Variants in EML2 observed in about 807,000 individuals in gnomAD.
The protein encoded by EML2 is echinoderm microtubule-associated protein-like 2.
EML2 carries 59 observed loss-of-function variants against 84.7 expected under a neutral mutation model. The ratio of observed to expected loss-of-function variants is 0.70; its 90% CI spans 0.56 to 0.86. The LOEUF is 0.86. Ranked by LOEUF, EML2 falls within the 40% of genes least tolerant of loss-of-function variation. EML2 has a pLI of 0.00. For synonymous variants in EML2, 352 were observed against 348.9 expected, an observed-to-expected ratio of 1.01 and a Z score of -0.10; for missense variants, 818 against 855.6, an observed-to-expected ratio of 0.96 and a Z score of 0.55.
chr19:45,642,001 A>T (rs1235219266), upstream of EML2: 2 of 1,446,180 alleles, frequency 1.4e-6, no homozygotes, highest in South Asian at 2.9e-5. Context: ...CCGAGCCATT[A>T]AGGGGCGTCC....
At chr19:45,641,786 G>C (rs1974536236), upstream of EML2, 3 of 1,532,418 alleles carry the variant, frequency 2.0e-6, no homozygotes, top group Non-Finnish European at 2.6e-6. Flanking sequence ...GAGCCTTCTA[G>C]GCCAGCAGGC....
chr19:45,636,234 A>G (rs143360947), intron 3 of EML2, among the ~76,000 whole-genome samples: 1,777 of 152,260 alleles, frequency 0.012, 27 homozygotes, highest in African/African-American at 0.039. Flanking sequence ...TTGGCCTCCT[A>G]AAGTGCTGGG....
chr19:45,613,652 C>G lies in EML2; in HGVS notation c.1713G>C (p.Ala571=). ...CCACAGCGTTGATATCAGTGCCGTC[C>G]GCCCCCTCAGACCAGATCCCTGTGG... ...FGVFGIWSEG[A]DGTDINAVAR... Residue 571 remains alanine (A), a synonymous_variant, in exon 18 of 19, where the codon GCG becomes GCC. Transcript: ENST00000245925. 1.2e-6 allele frequency: 2 copies of G among 1,614,006 alleles called. No individual in the cohort carries two copies. Among genetic ancestry groups the G allele is most frequent in the African/African-American group, 2.7e-5 (2 of 75,004 alleles).
upstream of EML2, chr19:45,645,417 G>T (rs1201915771): frequency 8.8e-6 from 13 of 1,472,446 alleles, no homozygotes; most frequent in Non-Finnish European, 1.1e-5. Context: ...GCCTCCCGTT[G>T]CCATAGCAAC....
In EML2 at chr19:45,629,934, G is replaced by A; in HGVS notation, c.606+17C>T. 1.9e-6 allele frequency: 3 copies of A among 1,604,110 alleles called. No individual in the cohort carries two copies. The highest frequency in any genetic ancestry group is 2.6e-6 in the Non-Finnish European group (3 of 1,171,168). ...ACAGTGGCACCCAGCAGGAGGGGATGAGAAAAGTCACCTCACCTTGACATC... is the reference window on the plus strand; with the variant it reads ...ACAGTGGCACCCAGCAGGAGGGGATAAGAAAAGTCACCTCACCTTGACATC... On this transcript the variant is annotated intron_variant, in intron 7 of 18. Coordinates refer to ENST00000245925, the MANE Select transcript of EML2 (RefSeq NM_012155.4).
At chr19:45,616,439 C>G (rs1410909133) in intron 15 of EML2, 22 bp downstream of exon 15, 1 of 1,559,072 alleles carries the variant, frequency 6.4e-7, no homozygotes, top group Non-Finnish European at 8.7e-7. Flanking sequence ...GCGGCGCGGG[C>G]TGGGGGCCAC....
intron 14 of EML2, 66 bp from the exon 15 acceptor site, chr19:45,616,624 G>GC: frequency 1.4e-6 from 2 of 1,443,868 alleles, no homozygotes; most frequent in Non-Finnish European, 1.9e-6. Flanking sequence ...CCCAGACTCA[G>GC]CCCCCTCAAC....
At chr19:45,643,480 C>T, upstream of EML2, 1 of 1,473,274 alleles carries the variant, frequency 6.8e-7, no homozygotes, top group Non-Finnish European at 9.2e-7. Context: ...GCCAAAATGA[C>T]TCCCCGAGTC....
At chr19:45,641,506 G>C, upstream of EML2, 1 of 856,144 alleles carries the variant, frequency 1.2e-6, no homozygotes. Flanking sequence ...TCCCTCCAAG[G>C]CTCTGGCACC....
upstream of EML2, among the ~76,000 whole-genome samples, chr19:45,643,899 G>T (rs923671787): frequency 3.3e-5 from 5 of 152,204 alleles, no homozygotes; most frequent in African/African-American, 1.2e-4. Flanking sequence ...TCGTAACAGG[G>T]GGAAACCTCT....
At chr19:45,625,415 A>G (rs945747958) in intron 8 of EML2, among the ~76,000 whole-genome samples, 6 of 151,762 alleles carry the variant, frequency 4.0e-5, no homozygotes, top group African/African-American at 1.5e-4. Context: ...TAATTTTCAT[A>G]TTTTTTTAGT....
chr19:45,609,543 T>G lies in EML2; in HGVS notation c.*120A>C. On this transcript the variant is annotated 3_prime_UTR_variant, in exon 19 of 19. Transcript: ENST00000245925. Reference sequence around the variant, plus strand: ...GAGACTTCTGTATGTCAGTCTACCCTCCCGCCCCCATAACCCCCTCTGCTA... The same window carrying G: ...GAGACTTCTGTATGTCAGTCTACCCGCCCGCCCCCATAACCCCCTCTGCTA... 137 of 643,652 alleles carry G rather than the reference T, an allele frequency of 2.1e-4. No individual in the cohort carries two copies. Among genetic ancestry groups the G allele is most frequent in the East Asian group, 2.8e-4 (6 of 21,330 alleles). The allele number at this position is 643,652 out of a possible 1,614,324, so 39.9% of individuals were successfully genotyped here.
chr19:45,616,340 G>GCTCT (rs1971068186), intron 15 of EML2, 121 bp downstream of exon 15: 1 of 726,854 alleles, frequency 1.4e-6, no homozygotes, highest in South Asian at 1.8e-5. Flanking sequence ...AAGACTCCTT[G>GCTCT]CTCTGATCAG....
At chr19:45,621,431 G>A in intron 10 of EML2, 52 bp downstream of exon 10, 1 of 1,585,108 alleles carries the variant, frequency 6.3e-7, no homozygotes. Context: ...GAGCCCTGGT[G>A]AGATCGGGGG....
rs138590950 is a variant in EML2, at chr19:45,621,514, C to A, written c.965G>T (p.Gly322Val). ...TTCCTGCAGCTTGCTGTAGTCAGAA[C>A]CCCAGAGGACCACCCGCCGATCACG... ...GGRDRRVVLW[G>V]SDYSKLQEVE... Residue 322 changes from glycine (G) to valine (V), a missense_variant, in exon 10 of 19, where the codon GGT (glycine) becomes GTT (valine). Physicochemically the swap from Gly to Val is moderately radical, Grantham distance 109. Transcript: ENST00000245925. 2.9e-5 allele frequency: 46 copies of A among 1,611,926 alleles called. No homozygotes were observed. Among genetic ancestry groups the A allele is most frequent in the Admixed American group, 5.0e-5 (3 of 60,004 alleles).
At chr19:45,635,465 A>G (rs1306806455) in intron 3 of EML2, among the ~76,000 whole-genome samples, 1 of 150,952 alleles carries the variant, frequency 6.6e-6, no homozygotes, top group East Asian at 2.0e-4. Context: ...CATCACACAC[A>G]CTGGCTGAGG....
At chr19:45,635,897 C>G (rs1240529806) in intron 3 of EML2, among the ~76,000 whole-genome samples, 1 of 151,766 alleles carries the variant, frequency 6.6e-6, no homozygotes, top group Non-Finnish European at 1.5e-5. Context: ...CGGGCTATGT[C>G]TGTTTCTTAA....
At chr19:45,641,538 G>T, upstream of EML2, 1 of 1,147,502 alleles carries the variant, frequency 8.7e-7, no homozygotes, top group Non-Finnish European at 1.2e-6. Flanking sequence ...TGAACTAGCT[G>T]GCCCCACTCT....
chr19:45,613,429 G>T, intron 18 of EML2, 112 bp downstream of exon 18: 1 of 1,343,596 alleles, frequency 7.4e-7, no homozygotes, highest in Non-Finnish European at 1.0e-6. Flanking sequence ...TCCTTGTACA[G>T]ATGGGGAAAC....
Sources: allele counts gnomAD v4.1 joint callset (sites outside exome capture counted in the v4.1 genomes callset), GRCh38; gene constraint gnomAD v4.1.1; transcripts MANE v1.5; gene names NCBI Gene and HGNC (gene_info 2026-07-23, HGNC 2026-07-21).